ACACA: variants seen among roughly 807,000 people sequenced by gnomAD.
ACACA encodes the protein acetyl-CoA carboxylase alpha, also known as acetyl-CoA carboxylase 1.
Under a neutral mutation model 296.1 loss-of-function variants are expected in ACACA, and 103 were observed. The ratio of observed to expected loss-of-function variants is 0.35; its 90% CI spans 0.30 to 0.41. ACACA has a LOEUF of 0.41. Ranked by LOEUF, ACACA falls within the 10% of genes least tolerant of loss-of-function variation. The pLI is 1.00. For synonymous variants in ACACA, 953 were observed against 1,038.6 expected (o/e 0.92, Z 1.58); for missense variants, 1,554 against 2,989.7 (o/e 0.52, Z 11.20).
intron 1 of ACACA, among the ~76,000 whole-genome samples, chr17:37,405,680 G>A (rs968646978): frequency 5.9e-5 from 9 of 152,012 alleles, no homozygotes; most frequent in Admixed American, 5.9e-4. Flanking sequence ...AGCCTCCGGA[G>A]TAGCTGGGAT....
At chr17:37,211,070 C>T (rs375242592) in intron 29 of ACACA, among the ~76,000 whole-genome samples, 1 of 152,128 alleles carries the variant, frequency 6.6e-6, no homozygotes. Flanking sequence ...TTTAACCATA[C>T]TCTTCCTCCC....
At chr17:37,347,217 T>C (rs1368983322) in intron 1 of ACACA, among the ~76,000 whole-genome samples, 2 of 152,146 alleles carry the variant, frequency 1.3e-5, no homozygotes, top group African/African-American at 4.8e-5. Context: ...ACAAGCTCTC[T>C]CTCTGCCTGC....
intron 35 of ACACA, 44 bp from the exon 36 acceptor site, chr17:37,193,459 A>G: frequency 6.9e-7 from 1 of 1,441,686 alleles, no homozygotes; most frequent in Non-Finnish European, 9.8e-7. Context: ...GTTCATAGAC[A>G]TGGCTCTTTG....
intron 14 of ACACA, among the ~76,000 whole-genome samples, chr17:37,256,299 T>C (rs2081225483): frequency 6.6e-6 from 1 of 152,230 alleles, no homozygotes; most frequent in African/African-American, 2.4e-5. Context: ...GCAGCGAATA[T>C]GCTTAAAAGG....
intron 24 of ACACA, among the ~76,000 whole-genome samples, chr17:37,238,392 AAGTTTTCAT>A (rs1248201923): frequency 6.6e-6 from 1 of 151,262 alleles, no homozygotes; most frequent in East Asian, 1.9e-4. Flanking sequence ...ATCATAAAAT[AAGTTTTCAT>A]ATATGGCTGG....
chr17:37,154,679 T>C (rs925348697), intron 43 of ACACA, among the ~76,000 whole-genome samples: 6 of 152,060 alleles, frequency 3.9e-5, no homozygotes, highest in African/African-American at 1.4e-4. Context: ...ATATTTTTAG[T>C]AGGGATGGGG....
At chr17:37,126,492 CAT>C (rs933632160) in intron 47 of ACACA, among the ~76,000 whole-genome samples, 9 of 151,788 alleles carry the variant, frequency 5.9e-5, no homozygotes, top group South Asian at 2.1e-4. Context: ...AAATTTTCAA[CAT>C]GTTAGTTTAA....
intron 28 of ACACA, 24 bp downstream of exon 28, chr17:37,223,488 T>G (rs776650526): frequency 1.3e-6 from 2 of 1,537,122 alleles, no homozygotes; most frequent in Non-Finnish European, 1.8e-6. Flanking sequence ...GAAAAGGTCA[T>G]GTCCCATTAC....
At chr17:37,257,122 A>G (rs537934950) in intron 14 of ACACA, among the ~76,000 whole-genome samples, 3 of 152,196 alleles carry the variant, frequency 2.0e-5, no homozygotes, top group Admixed American at 2.0e-4. Context: ...TATAGCAGTT[A>G]TATTTGCATA....
In ACACA at chr17:37,369,084, A is replaced by G. The variant is rs141482158; in HGVS notation, c.39-29234T>C. 2.8e-4 allele frequency among the ~76,000 whole-genome samples: 42 copies of G among 152,370 alleles called. No individual in the cohort carries two copies. The East Asian group carries it at 8.1e-3, about 29-fold the overall frequency. On this transcript the variant is annotated intron_variant, in intron 1 of 55. Transcript: ENST00000616317. ...TGAATATATAAATTGTGATACATTC[A>G]TACAATGAAATATTATAAAGCAATG...
chr17:37,099,694 G>A (rs954735775), intron 52 of ACACA, among the ~76,000 whole-genome samples: 5 of 149,030 alleles, frequency 3.4e-5, no homozygotes, highest in Non-Finnish European at 6.0e-5. Flanking sequence ...GGGCTGATGG[G>A]AGGAGGGCTG....
rs573371339 is a variant in ACACA at position 37,284,970 on chromosome 17, C to T, written c.339G>A (p.Arg113=). The T allele has an allele frequency of 1.2e-6, 2 of 1,614,032 alleles. No homozygotes were observed. Among genetic ancestry groups the T allele is most frequent in the Non-Finnish European group, 8.5e-7 (1 of 1,179,982 alleles). Residue 113 remains arginine, a splice_region_variant and synonymous_variant, in exon 4 of 56, where the codon AGG becomes AGA. Coordinates refer to ENST00000616317, the MANE Select transcript of ACACA (RefSeq NM_198834.3). The part of the protein sequence containing the change: ...SLQDGLALHI[R]SSMSGLHLVK... ...CTAGGTGCAAGCCAGACATGCTGGACCTATAAAAATACAGAAGCCATAAAA... is the reference window on the plus strand; with the variant it reads ...CTAGGTGCAAGCCAGACATGCTGGATCTATAAAAATACAGAAGCCATAAAA...
At chr17:37,142,055 T>G (rs2075611216) in intron 45 of ACACA, among the ~76,000 whole-genome samples, 1 of 151,918 alleles carries the variant, frequency 6.6e-6, no homozygotes, top group Non-Finnish European at 1.5e-5. Context: ...TCCAAAAAAT[T>G]TGAGCACATT....
rs2073048477 is a variant in ACACA, at chr17:37,097,227, A to T, written c.6721-61T>A. 1.3e-6 allele frequency: 2 copies of T among 1,579,302 alleles called. No homozygotes were observed. Among genetic ancestry groups the T allele is most frequent in the African/African-American group, 2.7e-5 (2 of 74,396 alleles). ...AATTCCTGCTTAATGCTCAGTCTGG[A>T]GGGAAACCCACAGGCATAAAAACTG... On this transcript the variant is annotated intron_variant, in intron 53 of 55. Transcript: ENST00000616317. The surrounding 1 kb of genome is among the most constrained non-coding windows in gnomAD (Gnocchi z 4.8).
intron 1 of ACACA, among the ~76,000 whole-genome samples, chr17:37,348,948 CAAA>C (rs772944984): frequency 1.8e-5 from 1 of 56,924 alleles, no homozygotes. Context: ...GACTCCGTCT[CAAA>C]AAAAAAAAAA....
chr17:37,225,345 G>A (rs531544582), intron 26 of ACACA: 1 of 475,948 alleles, frequency 2.1e-6, no homozygotes, highest in African/African-American at 2.0e-5. Flanking sequence ...ATGGTGGGTA[G>A]GGGGAAGGGA....
At chr17:37,299,563 C>T in intron 3 of ACACA, 2 of 1,397,902 alleles carry the variant, frequency 1.4e-6, no homozygotes, top group Non-Finnish European at 1.9e-6. Flanking sequence ...CTTTTTGCAT[C>T]TTCTCTCCTC....
chr17:37,378,689 A>G (rs1435472446), intron 1 of ACACA, among the ~76,000 whole-genome samples: 2 of 151,970 alleles, frequency 1.3e-5, no homozygotes, highest in African/African-American at 4.8e-5. Context: ...CTCCAGCCTG[A>G]GCAACAAGAG....
At chr17:37,275,859 A>T in intron 8 of ACACA, 92 bp downstream of exon 8, 2 of 1,061,418 alleles carry the variant, frequency 1.9e-6, no homozygotes, top group East Asian at 2.4e-5. Context: ...TTTCTTGTCA[A>T]GTATACCAAT....
Sources: allele counts gnomAD v4.1 joint callset (sites outside exome capture counted in the v4.1 genomes callset), GRCh38; gene constraint gnomAD v4.1.1; non-coding constraint Gnocchi (gnomAD v3.1); transcripts MANE v1.5; gene names NCBI Gene and HGNC (gene_info 2026-07-23, HGNC 2026-07-21).